COL5A1: variants seen among roughly 807,000 people sequenced by gnomAD.
COL5A1 encodes the protein collagen type V alpha 1 chain.
COL5A1 carries 16 observed loss-of-function variants against 263.7 expected under a neutral mutation model. The observed-to-expected ratio is 0.06, with a 90% CI of 0.04 to 0.09. The LOEUF (loss-of-function observed/expected upper bound fraction) is 0.09. COL5A1 is among the 10% of genes least tolerant of loss of function. The probability of loss-of-function intolerance (pLI) is 1.00; values close to 1 mark genes in which losing one functional copy is unlikely to be tolerated. For missense variants in COL5A1, 2,036 were observed against 2,540.5 expected, an observed-to-expected ratio of 0.80 and a Z score of 4.27; for synonymous variants, 1,012 against 1,004.5, an observed-to-expected ratio of 1.01 and a Z score of -0.14.
chr9:134,808,967 G>C, intron 42 of COL5A1: 2 of 611,918 alleles, frequency 3.3e-6, no homozygotes, highest in Non-Finnish European at 5.9e-6. Context: ...GATGAGTGTG[G>C]ATTAATTGAA....
rs61736827 is a variant in COL5A1, at chr9:134,732,121, C to T, written c.1383C>T (p.Ile461=). The T allele has an allele frequency of 1.7e-3, 2,763 of 1,614,106 alleles. 4 individuals are homozygous for T. The highest frequency in any genetic ancestry group is 2.2e-3 in the Non-Finnish European group (2,649 of 1,180,028). The change falls in exon 9 of 66, where the codon ATC becomes ATT. Residue 461 remains isoleucine (I), a synonymous_variant. Transcript: ENST00000371817. ...GCCAAAAGGGAGAACCAGCGATTAT[C>T]GAGCCGGTGAGGACATTTTCTCATT... ...EKGQKGEPAI[I]EPGMLIEGPP... is the part of the protein sequence containing the mutation.
chr9:134,693,627 T>G (rs1833360079), intron 2 of COL5A1, among the ~76,000 whole-genome samples: 1 of 152,134 alleles, frequency 6.6e-6, no homozygotes, highest in African/African-American at 2.4e-5. Context: ...GGGACACTGT[T>G]GGAGACCAGT....
rs954737750 is a variant in COL5A1, at chr9:134,647,444, C to T, written c.109+5148C>T. Among the ~76,000 whole-genome samples the T allele has an allele frequency of 3.9e-5, 6 of 152,180 alleles. No individual in the cohort carries two copies. Among genetic ancestry groups the T allele is most frequent in the East Asian group, 3.9e-4 (2 of 5,194 alleles). ...AATGTGTATATCTCCCCGCGATCTG[C>T]CTGCACACATGTGTTTGTGGGTATA... On this transcript the variant is annotated intron_variant, in intron 1 of 65. Coordinates refer to ENST00000371817, the MANE Select transcript of COL5A1 (RefSeq NM_000093.5). This position sits in a 1 kb window ranked among gnomAD's most constrained non-coding sequence, Gnocchi z 5.0.
At chr9:134,744,917 A>C (rs766530699) in intron 11 of COL5A1, among the ~76,000 whole-genome samples, 1 of 152,206 alleles carries the variant, frequency 6.6e-6, no homozygotes, top group African/African-American at 2.4e-5. Flanking sequence ...GCACACACCC[A>C]GGCGTGCACG....
chr9:134,758,207 G>GTGGC lies in COL5A1; in HGVS notation c.1882-35_1882-32dup. On this transcript the variant is annotated intron_variant, in intron 17 of 65. Transcript: ENST00000371817. The surrounding 1 kb of genome is among the most constrained non-coding windows in gnomAD (Gnocchi z 4.1). ...AAGGCGGGGTGTCCACGTGTGCAGG[G>GTGGC]TGGCGTCTGAGGCAGCCTTTCTGTC... 6.2e-7 allele frequency: 1 copy of GTGGC among 1,613,200 alleles called. No individual in the cohort carries two copies. Among genetic ancestry groups the GTGGC allele is most frequent in the Admixed American group, 1.7e-5 (1 of 60,020 alleles).
At chr9:134,710,051 A>AG (rs1256785725) in intron 4 of COL5A1, among the ~76,000 whole-genome samples, 3 of 152,202 alleles carry the variant, frequency 2.0e-5, no homozygotes, top group Non-Finnish European at 4.4e-5. Flanking sequence ...ACCGTGGCCA[A>AG]GGGGGCATCT....
At chr9:134,826,421 G>A (rs1839263711) in intron 63 of COL5A1, among the ~76,000 whole-genome samples, 1 of 152,206 alleles carries the variant, frequency 6.6e-6, no homozygotes, top group Non-Finnish European at 1.5e-5. Flanking sequence ...GGGCTCTGTT[G>A]AGATTTTGTG....
intron 31 of COL5A1, among the ~76,000 whole-genome samples, chr9:134,788,183 T>G (rs1588549604): frequency 1.5e-5 from 2 of 134,858 alleles, no homozygotes; most frequent in Admixed American, 1.5e-4. Flanking sequence ...AATGGAGGGG[T>G]GGGTTTATAG....
chr9:134,681,186 G>A lies in COL5A1; in HGVS notation c.110-9726G>A, dbSNP rs1449994698. ...GGAGGGCTGGGGTGGGGGGGCCTCA[G>A]CCCTGGGCCAGACCCTCCCTGGTGG... On this transcript the variant is annotated intron_variant, in intron 1 of 65. Coordinates refer to ENST00000371817, the MANE Select transcript of COL5A1 (RefSeq NM_000093.5). This position sits in a 1 kb window ranked among gnomAD's most constrained non-coding sequence, Gnocchi z 4.3. Among the ~76,000 whole-genome samples the A allele has an allele frequency of 6.6e-6, 1 of 152,210 alleles. No homozygotes were observed. Among genetic ancestry groups the A allele is most frequent in the Non-Finnish European group, 1.5e-5 (1 of 68,032 alleles).
chr9:134,831,746 A>G (rs1246606107), intron 64 of COL5A1, among the ~76,000 whole-genome samples: 1 of 152,112 alleles, frequency 6.6e-6, no homozygotes, highest in African/African-American at 2.4e-5. Context: ...GAAAGAGCCT[A>G]TTTTCCTCGC....
intron 29 of COL5A1, among the ~76,000 whole-genome samples, chr9:134,783,578 G>A (rs754635991): frequency 6.6e-6 from 1 of 152,132 alleles, no homozygotes; most frequent in East Asian, 1.9e-4. Context: ...AGCTGTGCAC[G>A]CACCGGGACG....
rs757989702 is a variant in COL5A1 at position 134,818,758 on chromosome 9, C to T, written c.4333C>T (p.Pro1445Ser). 1.1e-5 allele frequency: 17 copies of T among 1,612,354 alleles called. No individual in the cohort carries two copies. Among genetic ancestry groups the T allele is most frequent in the Non-Finnish European group, 1.4e-5 (17 of 1,179,662 alleles). Reference sequence around the variant, plus strand: ...GGATGGCCTTCGAGGGATCCCTGGCCCTGTGGTGAGTAGGCTGTGAGGGGC... The same window carrying T: ...GGATGGCCTTCGAGGGATCCCTGGCTCTGTGGTGAGTAGGCTGTGAGGGGC... Reference protein sequence around the residue: ...GPDGLRGIPGPVGEQGLPGSP... With the variant: ...GPDGLRGIPGSVGEQGLPGSP... The change falls in exon 55 of 66, where the codon CCT (proline) becomes TCT (serine). Residue 1445 changes from proline to serine, a missense_variant. Transcript: ENST00000371817. The surrounding 1 kb of genome is among the most constrained non-coding windows in gnomAD (Gnocchi z 6.0).
At position 134,765,734 on chromosome 9, in the gene COL5A1, C is replaced by A. The variant is rs146757272; in HGVS notation, c.2088C>A (p.Pro696=). Residue 696 remains proline, a splice_region_variant and synonymous_variant, in exon 21 of 66, where the codon CCC becomes CCA. Transcript: ENST00000371817. This position sits in a 1 kb window ranked among gnomAD's most constrained non-coding sequence, Gnocchi z 5.1. ...GGCCCCCAGGTCCTCCCGGACCTCC[C>A]GTAAGTCCCATTACCGCCCTGCTTG... ...PKGPPGPPGP[P]GVTGMDGQPG... 2 of 1,612,340 alleles carry A rather than the reference C, an allele frequency of 1.2e-6. No individual in the cohort carries two copies. The highest frequency in any genetic ancestry group is 3.3e-5 in the Admixed American group (2 of 59,888).
rs544306774 is a variant in COL5A1, at chr9:134,772,444, G to A, written c.2287-346G>A. On this transcript the variant is annotated intron_variant, in intron 25 of 65. Transcript: ENST00000371817. ...GGTCTGTGGACCTGCACTGGAGGGC[G>A]GGCTGGCTCTGGCCGGGTCAGGAGC... Among the ~76,000 whole-genome samples, 5 of 152,380 alleles carry A rather than the reference G, an allele frequency of 3.3e-5. No homozygotes were observed. In the East Asian group the frequency reaches 5.8e-4, roughly 18 times the overall value.
In COL5A1 at chr9:134,818,854, C is replaced by A. The variant is rs1838876394; in HGVS notation, c.4345C>A (p.Gln1449Lys). 4 of 1,613,060 alleles carry A rather than the reference C, an allele frequency of 2.5e-6. No homozygotes were observed. Among genetic ancestry groups the A allele is most frequent in the Non-Finnish European group, 3.4e-6 (4 of 1,179,888 alleles). Residue 1449 changes from glutamine to lysine, a missense_variant, in exon 56 of 66, where the codon CAA becomes AAA. Gln to Lys is a moderately conservative substitution (Grantham distance 53). This residue lies in a region of COL5A1 where 1,078 missense variants were observed against 1,521.4 expected (regional missense o/e 0.71). Coordinates refer to ENST00000371817, the MANE Select transcript of COL5A1 (RefSeq NM_000093.5). This position sits in a 1 kb window ranked among gnomAD's most constrained non-coding sequence, Gnocchi z 6.0. ...GAGCGTCTCTGTGTTTCAGGGAGAA[C>A]AAGGTCTCCCAGGATCCCCAGGCCC... is the stretch of plus-strand genomic sequence containing the variant. ...LRGIPGPVGE[Q>K]GLPGSPGPDG...
Position 134,756,468 on chromosome 9 carries a change from T to C in COL5A1, c.1828-297T>C, listed in dbSNP as rs10124864. ...CTCCAGCCGGGTCTCCTCTGCCACA[T>C]TGTGGCGTCTTCTCGAAGCCCAGGG... is the stretch of plus-strand genomic sequence containing the variant. On this transcript the variant is annotated intron_variant, in intron 16 of 65. Coordinates refer to ENST00000371817, the MANE Select transcript of COL5A1 (RefSeq NM_000093.5). 0.026 allele frequency among the ~76,000 whole-genome samples: 3,918 copies of C among 152,320 alleles called. 191 individuals are homozygous for C. The highest frequency in any genetic ancestry group is 0.088 in the African/African-American group (3,649 of 41,566).
rs1210827739 is a variant in COL5A1, at chr9:134,741,011, A to T, written c.1494+2203A>T. 1.3e-5 allele frequency among the ~76,000 whole-genome samples: 2 copies of T among 152,102 alleles called. No individual in the cohort carries two copies. The highest frequency in any genetic ancestry group is 4.8e-5 in the African/African-American group (2 of 41,406). ...CAGTGAGAGGGGTGCTGGTTCCAGG[A>T]GCTGAGAGCTGACCACCCCTCTGGG... is the stretch of plus-strand genomic sequence containing the variant. On this transcript the variant is annotated intron_variant, in intron 11 of 65. Coordinates refer to ENST00000371817, the MANE Select transcript of COL5A1 (RefSeq NM_000093.5). The surrounding 1 kb of genome is among the most constrained non-coding windows in gnomAD (Gnocchi z 4.5).
At position 134,795,412 on chromosome 9, in the gene COL5A1, T is replaced by TA. The variant is rs79903250; in HGVS notation, c.2799+112dup. 0.11 allele frequency: 82,549 copies of TA among 766,812 alleles called. 267 individuals carry two copies. The highest frequency in any genetic ancestry group is 0.13 in the South Asian group (6,624 of 51,480). 47.5% of individuals were successfully genotyped at this position (766,812 alleles called of 1,614,324 possible). A position where few individuals can be genotyped will look rare whatever the true frequency, so the allele number is the denominator to read the frequency against. On this transcript the variant is annotated intron_variant, in intron 34 of 65. Coordinates refer to ENST00000371817, the MANE Select transcript of COL5A1 (RefSeq NM_000093.5). ...TGAGGGTGTCTGTGACCTTTTTTAT[T>TA]AAAAAAAAAAAAAAAGGCAGGACAT...
chr9:134,784,487 T>G (rs575931779), intron 29 of COL5A1, among the ~76,000 whole-genome samples: 86 of 152,218 alleles, frequency 5.6e-4, no homozygotes, highest in Non-Finnish European at 9.7e-4. Flanking sequence ...TTTAAGCCCG[T>G]CTGTTCCTGG....
Sources: allele counts gnomAD v4.1 joint callset (sites outside exome capture counted in the v4.1 genomes callset), GRCh38; gene constraint gnomAD v4.1.1; regional missense constraint gnomAD v4.1.1; non-coding constraint Gnocchi (gnomAD v3.1); transcripts MANE v1.5; gene names NCBI Gene and HGNC (gene_info 2026-07-23, HGNC 2026-07-21).